MACROD2: variants seen among roughly 807,000 people sequenced by gnomAD.
MACROD2 encodes the protein mono-ADP ribosylhydrolase 2.
Under a neutral mutation model 70.4 loss-of-function variants are expected in MACROD2, and 36 were observed. The observed-to-expected ratio is 0.51, with a 90% CI of 0.39 to 0.68. The LOEUF is 0.68. Ranked by LOEUF, MACROD2 falls within the 30% of genes least tolerant of loss-of-function variation. The probability of loss-of-function intolerance (pLI) is 0.00; values close to 1 mark genes in which losing one functional copy is unlikely to be tolerated. For synonymous variants in MACROD2, 172 were observed against 178.8 expected, an observed-to-expected ratio of 0.96 and a Z score of 0.30; for missense variants, 496 against 538.4, an observed-to-expected ratio of 0.92 and a Z score of 0.78.
intron 7 of MACROD2, among the ~76,000 whole-genome samples, chr20:15,477,099 G>GATTT (rs1555826355): frequency 2.6e-5 from 3 of 115,394 alleles, no homozygotes. Context: ...TCTATTTTTA[G>GATTT]TTTTTTTTTT....
chr20:14,600,180 G>A (rs1383303285), intron 4 of MACROD2, among the ~76,000 whole-genome samples: 2 of 151,974 alleles, frequency 1.3e-5, no homozygotes, highest in Non-Finnish European at 2.9e-5. Context: ...TGACTAATCG[G>A]ATGTCAGTCA....
chr20:14,317,653 C>T (rs934825284), intron 3 of MACROD2, among the ~76,000 whole-genome samples: 30 of 151,914 alleles, frequency 2.0e-4, no homozygotes, highest in African/African-American at 7.0e-4. Context: ...TTCCTGTCCT[C>T]CCCCAACCAT....
At chr20:14,362,011 TA>T (rs2083226529) in intron 3 of MACROD2, among the ~76,000 whole-genome samples, 1 of 152,228 alleles carries the variant, frequency 6.6e-6, no homozygotes, top group Non-Finnish European at 1.5e-5. Context: ...AGCTGTTTAA[TA>T]AAGGTCATGT....
chr20:15,723,062 T>C (rs2050810435), intron 8 of MACROD2, among the ~76,000 whole-genome samples: 1 of 152,122 alleles, frequency 6.6e-6, no homozygotes. Context: ...TGCCCCTGAG[T>C]TTTACATGTT....
chr20:14,800,684 G>A (rs374198850), intron 5 of MACROD2, among the ~76,000 whole-genome samples: 2 of 152,060 alleles, frequency 1.3e-5, no homozygotes, highest in South Asian at 2.1e-4. Flanking sequence ...TAAAAATATC[G>A]CTGAGTACTT....
At chr20:15,150,509 ATG>A (rs1278978646) in intron 5 of MACROD2, among the ~76,000 whole-genome samples, 2 of 152,068 alleles carry the variant, frequency 1.3e-5, no homozygotes, top group African/African-American at 4.8e-5. Context: ...TTAGAAGCCC[ATG>A]CTGTAGCAGG....
At chr20:14,701,192 G>T (rs530634814) in intron 5 of MACROD2, among the ~76,000 whole-genome samples, 11 of 152,176 alleles carry the variant, frequency 7.2e-5, no homozygotes, top group African/African-American at 2.6e-4. Context: ...GAGCACTCAG[G>T]TTTCTCTTCT....
At chr20:14,426,575 G>A (rs1419605859) in intron 3 of MACROD2, among the ~76,000 whole-genome samples, 3 of 152,106 alleles carry the variant, frequency 2.0e-5, no homozygotes, top group South Asian at 2.1e-4. Context: ...AAAGTAGCTC[G>A]ATTGGAGTTT....
chr20:15,497,364 C>T (rs1217248875), intron 7 of MACROD2, among the ~76,000 whole-genome samples: 1 of 152,088 alleles, frequency 6.6e-6, no homozygotes, highest in Non-Finnish European at 1.5e-5. Context: ...ATAATCTTGG[C>T]TCACTGCAAC....
At chr20:15,133,151 A>G (rs1283449658) in intron 5 of MACROD2, among the ~76,000 whole-genome samples, 1 of 152,064 alleles carries the variant, frequency 6.6e-6, no homozygotes, top group Non-Finnish European at 1.5e-5. Context: ...GAAGTGCTAT[A>G]AAAAGGATTT....
intron 6 of MACROD2, among the ~76,000 whole-genome samples, chr20:15,369,670 A>G (rs2045463775): frequency 1.3e-5 from 2 of 152,154 alleles, no homozygotes; most frequent in South Asian, 4.1e-4. Flanking sequence ...TCTAACGTGG[A>G]AAGTGCTCTG....
At chr20:14,852,165 G>T (rs981672315) in intron 5 of MACROD2, among the ~76,000 whole-genome samples, 8 of 152,138 alleles carry the variant, frequency 5.3e-5, no homozygotes, top group African/African-American at 1.9e-4. Flanking sequence ...GCAGGAGCCA[G>T]CTAAGGAGAC....
At chr20:14,910,215 T>C (rs765335960) in intron 5 of MACROD2, among the ~76,000 whole-genome samples, 12 of 152,216 alleles carry the variant, frequency 7.9e-5, no homozygotes, top group Non-Finnish European at 1.8e-4. Context: ...TCCTCTCTAT[T>C]CTTATATCAG....
At chr20:15,211,332 C>T (rs1034724102) in intron 5 of MACROD2, among the ~76,000 whole-genome samples, 8 of 152,224 alleles carry the variant, frequency 5.3e-5, no homozygotes, top group African/African-American at 1.9e-4. Context: ...TTTGGTTATT[C>T]ATTCATCAGT....
intron 8 of MACROD2, among the ~76,000 whole-genome samples, chr20:15,522,736 T>C (rs897126570): frequency 1.3e-5 from 2 of 152,180 alleles, no homozygotes; most frequent in Non-Finnish European, 2.9e-5. Context: ...GAACTGAACA[T>C]TGTTCTAGAC....
chr20:16,010,230 C>T (rs2066845367), intron 15 of MACROD2, among the ~76,000 whole-genome samples: 1 of 152,134 alleles, frequency 6.6e-6, no homozygotes, highest in Non-Finnish European at 1.5e-5. Flanking sequence ...TGTCCTGGTG[C>T]ATGTGGGTTA....
intron 8 of MACROD2, among the ~76,000 whole-genome samples, chr20:15,639,925 G>A (rs2049429893): frequency 6.6e-6 from 1 of 151,392 alleles, no homozygotes; most frequent in South Asian, 2.1e-4. Context: ...AGGAGAGAAA[G>A]AGAGAGAGGC....
chr20:14,141,871 ATT>A (rs747209812), intron 3 of MACROD2, among the ~76,000 whole-genome samples: 14 of 152,204 alleles, frequency 9.2e-5, no homozygotes, highest in Non-Finnish European at 1.8e-4. Context: ...AGCTTAAAAA[ATT>A]ATATGTCTAC....
chr20:15,527,676 C>G (rs1398116121), intron 8 of MACROD2, among the ~76,000 whole-genome samples: 2 of 152,192 alleles, frequency 1.3e-5, no homozygotes, highest in African/African-American at 4.8e-5. Context: ...CACTACTGGC[C>G]TCTGCATTTC....
Sources: allele counts gnomAD v4.1 joint callset (sites outside exome capture counted in the v4.1 genomes callset), GRCh38; gene constraint gnomAD v4.1.1; transcripts MANE v1.5; gene names NCBI Gene and HGNC (gene_info 2026-07-23, HGNC 2026-07-21).